The following GPNMB variants were observed in gnomAD, a reference collection of about 807,000 sequenced individuals.
GPNMB encodes the protein transmembrane glycoprotein NMB.
Under a neutral mutation model 57.3 loss-of-function variants are expected in GPNMB, and 71 were observed. The ratio of observed to expected loss-of-function variants is 1.24; its 90% CI spans 1.02 to 1.51. The LOEUF is 1.51. Ranked by LOEUF, GPNMB falls within the 40% of genes most tolerant of loss-of-function variation. The pLI is 0.00. For synonymous variants in GPNMB, 253 were observed against 263.2 expected (o/e 0.96, Z 0.38); for missense variants, 677 against 691.9 (o/e 0.98, Z 0.24).
chr7:23,255,606 T>C (rs151073933), intron 3 of GPNMB, among the ~76,000 whole-genome samples: 215 of 152,294 alleles, frequency 1.4e-3, no homozygotes, highest in African/African-American at 4.9e-3. Flanking sequence ...GCTCTATTTT[T>C]AGTTTTTTGA....
Position 23,267,940 on chromosome 7 carries a change from C to T in GPNMB, c.1172C>T (p.Pro391Leu). 2 of 1,613,850 alleles carry T rather than the reference C, an allele frequency of 1.2e-6. No homozygotes were observed. Among genetic ancestry groups the T allele is most frequent in the Non-Finnish European group, 1.7e-6 (2 of 1,179,752 alleles). ...IQMTDVLMPVPWPESSLIDFV... is the reference protein window; with the variant it reads ...IQMTDVLMPVLWPESSLIDFV... ...ATGACAGACGTCCTGATGCCGGTGC[C>T]ATGGCCTGAAAGCTCCCTAATAGAC... Residue 391 changes from proline to leucine, a missense_variant, in exon 8 of 11, where the codon CCA becomes CTA. Transcript: ENST00000258733.
Position 23,246,921 on chromosome 7 carries a change from G to T in GPNMB, c.64G>T (p.Ala22Ser), listed in dbSNP as rs370332714. 1.2e-5 allele frequency: 20 copies of T among 1,609,432 alleles called. No homozygotes were observed. In the African/African-American group the frequency reaches 2.5e-4, roughly 20 times the overall value. ...LLAARLPLDA[A>S]KRFHDVLGNE... ...GGCTGCAAGATTGCCACTTGATGCC[G>T]CCAAACGTGAGTAACCCTTAATTTC... Residue 22 changes from alanine (A) to serine (S), a missense_variant, in exon 1 of 11, where the codon GCC becomes TCC. Coordinates refer to ENST00000258733, the MANE Select transcript of GPNMB (RefSeq NM_002510.3).
chr7:23,249,599 C>G (rs1055568154), intron 1 of GPNMB, among the ~76,000 whole-genome samples: 8 of 152,256 alleles, frequency 5.3e-5, no homozygotes, highest in African/African-American at 1.9e-4. Context: ...ACATAATTTC[C>G]TGGAACTTTA....
chr7:23,272,094 T>C (rs1583840905), intron 9 of GPNMB, among the ~76,000 whole-genome samples: 1 of 152,166 alleles, frequency 6.6e-6, no homozygotes, highest in Admixed American at 6.5e-5. Context: ...CAAGTGGCCA[T>C]GGACTCGGAT....
chr7:23,262,843 C>T (rs1160447647), intron 6 of GPNMB, among the ~76,000 whole-genome samples: 1 of 151,998 alleles, frequency 6.6e-6, no homozygotes, highest in Non-Finnish European at 1.5e-5. Flanking sequence ...TGGTCTCCAA[C>T]TCTTGAGCAC....
At position 23,253,459 on chromosome 7, in the gene GPNMB, G is replaced by A. The variant is rs2074966564; in HGVS notation, c.223G>A (p.Gly75Arg). The A allele has an allele frequency of 2.5e-6, 4 of 1,612,476 alleles. No individual in the cohort carries two copies. The highest frequency in any genetic ancestry group is 3.4e-6 in the Non-Finnish European group (4 of 1,179,180). ...GDMRWKNSWK[G>R]GRVQAVLTSD... ...CATGAGGTGGAAAAACTCCTGGAAG[G>A]GTAAGTCAAAAGATTCAAACCAAAC... The change falls in exon 2 of 11, where the codon GGA (glycine) becomes AGA (arginine). Residue 75 changes from glycine to arginine, a missense_variant and splice_region_variant. Gly to Arg is a moderately radical substitution (Grantham distance 125). Transcript: ENST00000258733.
chr7:23,267,775 A>AT, intron 7 of GPNMB, 111 bp from the exon 8 acceptor site: 1 of 794,040 alleles, frequency 1.3e-6, no homozygotes, highest in Non-Finnish European at 2.2e-6. Context: ...GGGTTTCAAC[A>AT]TATGAATTTC....
At chr7:23,274,000 T>G in intron 10 of GPNMB, 65 bp from the exon 11 acceptor site, 1 of 1,248,442 alleles carries the variant, frequency 8.0e-7, no homozygotes, top group Non-Finnish European at 1.1e-6. Context: ...TGAAAAAGAT[T>G]GTAGAAAGTT....
At chr7:23,261,158 C>A (rs1729250325) in intron 6 of GPNMB, among the ~76,000 whole-genome samples, 1 of 152,094 alleles carries the variant, frequency 6.6e-6, no homozygotes, top group South Asian at 2.1e-4. Flanking sequence ...TTTCTATGTT[C>A]CTTCCTCTCC....
intron 1 of GPNMB, among the ~76,000 whole-genome samples, chr7:23,250,522 G>C (rs558310041): frequency 6.6e-6 from 1 of 151,504 alleles, no homozygotes; most frequent in Non-Finnish European, 1.5e-5. Flanking sequence ...TTGAGCCCAG[G>C]AGTTTGAGTC....
At chr7:23,247,020 A>G in intron 1 of GPNMB, 93 bp downstream of exon 1, 1 of 955,468 alleles carries the variant, frequency 1.0e-6, no homozygotes. Context: ...GGTTGGACTG[A>G]AGTTCTTCAG....
chr7:23,263,657 T>C (rs1782985707), intron 6 of GPNMB, among the ~76,000 whole-genome samples: 1 of 148,230 alleles, frequency 6.7e-6, no homozygotes, highest in Admixed American at 6.7e-5. Context: ...CCCCTACAAG[T>C]TAGTTAAGTT....
chr7:23,255,444 T>C (rs2128481705), intron 3 of GPNMB, among the ~76,000 whole-genome samples: 1 of 152,354 alleles, frequency 6.6e-6, no homozygotes, highest in African/African-American at 2.4e-5. Flanking sequence ...ATTTTCTTTA[T>C]CCATTTATCT....
chr7:23,255,377 A>G (rs974995459), intron 3 of GPNMB, among the ~76,000 whole-genome samples: 3 of 152,174 alleles, frequency 2.0e-5, no homozygotes, highest in Admixed American at 2.0e-4. Context: ...AGTTCCATCC[A>G]TGTTGCTGCA....
At position 23,270,502 on chromosome 7, in the gene GPNMB, C is replaced by T. The variant is rs191308496; in HGVS notation, c.1429+327C>T. ...TATTTCAAGGAGAAAGTTTAAAGGC[C>T]AATATCAAAAAATAGCAGTGTTCTC... is the stretch of plus-strand genomic sequence containing the variant. On this transcript the variant is annotated intron_variant, in intron 9 of 10. Transcript: ENST00000258733. Among the ~76,000 whole-genome samples the T allele has an allele frequency of 4.6e-5, 7 of 151,452 alleles. No individual in the cohort carries two copies. The East Asian group carries it at 1.4e-3, about 30-fold the overall frequency.
In GPNMB at chr7:23,265,776, A is replaced by T. The variant is rs577486503; in HGVS notation, c.1019-741A>T. Among the ~76,000 whole-genome samples the T allele has an allele frequency of 1.1e-4, 16 of 151,898 alleles. No homozygotes were observed. The South Asian group carries it at 3.3e-3, about 32-fold the overall frequency. Reference sequence around the variant, plus strand: ...AGCAGGTATTGTTCTTATTTTACAGATGAGCAAATAGAGGCAAAAACAGAT... The same window carrying T: ...AGCAGGTATTGTTCTTATTTTACAGTTGAGCAAATAGAGGCAAAAACAGAT... On this transcript the variant is annotated intron_variant, in intron 6 of 10. Transcript: ENST00000258733.
rs748166911 is a variant in GPNMB, at chr7:23,260,511, C to T, written c.756C>T (p.Asp252=). ...AGAAGAACGATCGAAATTCATCCGA[C>T]GAAACCTTCCTCAAAGATCTCCCCA... ...MFQKNDRNSS[D]ETFLKDLPIM... Residue 252 remains aspartate (D), a synonymous_variant, in exon 6 of 11, where the codon GAC becomes GAT. Transcript: ENST00000258733. The T allele has an allele frequency of 4.3e-6, 7 of 1,613,624 alleles. No homozygotes were observed. Among genetic ancestry groups the T allele is most frequent in the Admixed American group, 3.3e-5 (2 of 59,994 alleles).
Position 23,254,256 on chromosome 7 carries a change from G to A in GPNMB, c.311G>A (p.Arg104Lys), listed in dbSNP as rs749959364. Residue 104 changes from arginine (R) to lysine (K), a missense_variant, in exon 3 of 11, where the codon AGA becomes AAA. Transcript: ENST00000258733. The stretch of plus-strand genomic sequence containing the variant: ...TTTGCGGTGAACCTGATATTCCCTA[G>A]ATGCCAAAAGGAAGATGCCAATGGC... ...ITFAVNLIFPRCQKEDANGNI... is the reference protein window; with the variant it reads ...ITFAVNLIFPKCQKEDANGNI... 1.1e-5 allele frequency: 18 copies of A among 1,611,148 alleles called. 1 individual carries two copies. The South Asian group carries it at 2.0e-4, about 18-fold the overall frequency.
At chr7:23,270,457 T>C (rs1583838656) in intron 9 of GPNMB, among the ~76,000 whole-genome samples, 1 of 152,194 alleles carries the variant, frequency 6.6e-6, no homozygotes, top group Non-Finnish European at 1.5e-5. Context: ...ATATGATCAC[T>C]GCACGCTTGA....
Sources: allele counts gnomAD v4.1 joint callset (sites outside exome capture counted in the v4.1 genomes callset), GRCh38; gene constraint gnomAD v4.1.1; transcripts MANE v1.5; gene names NCBI Gene and HGNC (gene_info 2026-07-23, HGNC 2026-07-21).